The following LRRIQ1 variants were observed in gnomAD, a reference collection of about 807,000 sequenced individuals.
LRRIQ1 encodes leucine rich repeats and IQ motif containing 1, also known as leucine-rich repeat- and IQ domain-containing protein 1.
A neutral mutation model predicts 211.9 loss-of-function variants in LRRIQ1; 210 were observed. The ratio of observed to expected loss-of-function variants is 0.99; its 90% CI spans 0.89 to 1.11. The LOEUF is 1.11. Among genes scored for constraint, LRRIQ1 ranks in the 50% most tolerant of loss-of-function variants. LRRIQ1 has a pLI of 0.00. For missense variants in LRRIQ1, 2,136 were observed against 1,939.5 expected, an observed-to-expected ratio of 1.10 and a Z score of -1.90; for synonymous variants, 699 against 650.1, an observed-to-expected ratio of 1.08 and a Z score of -1.14.
chr12:85,142,285 C>T (rs567422301), intron 19 of LRRIQ1, among the ~76,000 whole-genome samples: 46 of 151,388 alleles, frequency 3.0e-4, no homozygotes, highest in African/African-American at 1.1e-3. Context: ...TATTGCCCTG[C>T]TTGGAGTTGG....
At chr12:85,161,396 CT>C (rs1456240264) in intron 24 of LRRIQ1, among the ~76,000 whole-genome samples, 5 of 149,546 alleles carry the variant, frequency 3.3e-5, no homozygotes, top group South Asian at 2.1e-4. Context: ...AATTGTACTA[CT>C]TTTTTAGTAT....
chr12:85,078,662 C>T (rs1385054079), intron 11 of LRRIQ1, among the ~76,000 whole-genome samples: 2 of 151,926 alleles, frequency 1.3e-5, no homozygotes, highest in Non-Finnish European at 2.9e-5. Flanking sequence ...CATTTTAAAA[C>T]GTCTCTTTTC....
chr12:85,095,299 G>A (rs374929245), intron 11 of LRRIQ1, among the ~76,000 whole-genome samples: 2 of 152,230 alleles, frequency 1.3e-5, no homozygotes, highest in South Asian at 4.1e-4. Flanking sequence ...TAAGTGCCTA[G>A]TTTGTTGAGA....
intron 19 of LRRIQ1, among the ~76,000 whole-genome samples, chr12:85,141,201 A>T (rs868139072): frequency 6.6e-6 from 1 of 151,342 alleles, no homozygotes; most frequent in Non-Finnish European, 1.5e-5. Context: ...GAAATGTTTC[A>T]TGTGAACATA....
At chr12:85,037,210 T>C (rs1338802111) in intron 1 of LRRIQ1, among the ~76,000 whole-genome samples, 4 of 152,144 alleles carry the variant, frequency 2.6e-5, no homozygotes, top group African/African-American at 9.7e-5. Context: ...AATAGAAAAT[T>C]TAAACTTGCG....
At chr12:85,257,136 T>TAATTACATAATATATAATATATAA (rs1896134549) in intron 1 of LRRIQ1, among the ~76,000 whole-genome samples, 3 of 12,084 alleles carry the variant, frequency 2.5e-4, no homozygotes, top group African/African-American at 1.1e-3. Context: ...ATAATATATA[T>TAATTACATAATATATAATATATAA]TATATATTTA....
intron 1 of LRRIQ1, among the ~76,000 whole-genome samples, chr12:85,256,578 A>T (rs1041640047): frequency 6.6e-6 from 1 of 151,652 alleles, no homozygotes; most frequent in African/African-American, 2.4e-5. Flanking sequence ...GAAAGTTTCC[A>T]TGAAAAATTT....
intron 8 of LRRIQ1, among the ~76,000 whole-genome samples, chr12:85,061,081 A>G (rs1881739602): frequency 6.6e-6 from 1 of 151,902 alleles, no homozygotes; most frequent in Admixed American, 6.6e-5. Context: ...AAAAGGAAGT[A>G]AAGTATGAGA....
At chr12:85,068,255 T>C (rs1882658763) in intron 10 of LRRIQ1, among the ~76,000 whole-genome samples, 2 of 151,888 alleles carry the variant, frequency 1.3e-5, no homozygotes, top group African/African-American at 2.4e-5. Context: ...CCTATAATCA[T>C]TGGAAAGTTT....
chr12:85,107,269 G>A (rs1452370188), intron 15 of LRRIQ1, among the ~76,000 whole-genome samples: 2 of 151,688 alleles, frequency 1.3e-5, no homozygotes, highest in African/African-American at 4.8e-5. Context: ...TATCATTTTT[G>A]TTTATGAATA....
At chr12:85,067,523 C>T (rs971125986) in intron 10 of LRRIQ1, among the ~76,000 whole-genome samples, 29 of 151,502 alleles carry the variant, frequency 1.9e-4, no homozygotes, top group African/African-American at 6.8e-4. Flanking sequence ...TTTTTGTGGA[C>T]CCAACTTTTA....
Position 85,260,740 on chromosome 12 carries a change from C to T in LRRIQ1, c.122-2175C>T, listed in dbSNP as rs141948289. Among the ~76,000 whole-genome samples the T allele has an allele frequency of 2.5e-3, 380 of 152,158 alleles. 3 individuals are homozygous for T. The highest frequency in any genetic ancestry group is 4.2e-3 in the Non-Finnish European group (284 of 67,996). On this transcript the variant is annotated intron_variant, in intron 1 of 1. Transcript: ENST00000602731. ...ACTGCTGAGGCAAGATGAGGGTTTACTATTACTTTTATTGTTTTTTAAAAT... is the reference window on the plus strand; with the variant it reads ...ACTGCTGAGGCAAGATGAGGGTTTATTATTACTTTTATTGTTTTTTAAAAT...
At chr12:85,048,127 A>G (rs997593195) in intron 6 of LRRIQ1, 8 of 152,400 alleles carry the variant, frequency 5.2e-5, no homozygotes, top group African/African-American at 1.4e-4. Context: ...TGACTTCTCT[A>G]TCTTTCATGA....
At chr12:85,201,608 G>A (rs1306430178) in intron 24 of LRRIQ1, among the ~76,000 whole-genome samples, 1 of 151,972 alleles carries the variant, frequency 6.6e-6, no homozygotes, top group Admixed American at 6.5e-5. Flanking sequence ...AAGGTTTTTT[G>A]TATTTCTCTA....
chr12:85,246,889 T>C (rs1310020553), downstream of LRRIQ1, among the ~76,000 whole-genome samples: 1 of 151,224 alleles, frequency 6.6e-6, no homozygotes, highest in African/African-American at 2.4e-5. Context: ...TAATAAGGAG[T>C]GTGGTCTCTG....
At chr12:85,196,468 C>T (rs1014223997) in intron 24 of LRRIQ1, among the ~76,000 whole-genome samples, 3 of 150,618 alleles carry the variant, frequency 2.0e-5, no homozygotes, top group African/African-American at 7.3e-5. Flanking sequence ...GGTACTGGTA[C>T]CAAAACAGAG....
chr12:85,231,221 G>A (rs1484024039), intron 25 of LRRIQ1, among the ~76,000 whole-genome samples: 2 of 151,898 alleles, frequency 1.3e-5, no homozygotes, highest in Non-Finnish European at 2.9e-5. Context: ...AACAAATCTC[G>A]TTTAATAATA....
At chr12:85,227,310 A>T (rs1449819075) in intron 24 of LRRIQ1, among the ~76,000 whole-genome samples, 1 of 152,006 alleles carries the variant, frequency 6.6e-6, no homozygotes, top group Admixed American at 6.6e-5. Flanking sequence ...GTTTTAGGGT[A>T]CATGTGCACA....
chr12:85,266,919 A>G (rs1896432542), downstream of LRRIQ1, among the ~76,000 whole-genome samples: 1 of 152,156 alleles, frequency 6.6e-6, no homozygotes, highest in Non-Finnish European at 1.5e-5. Flanking sequence ...ATTTGCCATT[A>G]GTGATGAATA....
Sources: gnomAD v4.1 joint callset for allele counts (sites outside exome capture counted in the v4.1 genomes callset) on GRCh38, gnomAD v4.1.1 for gene constraint, MANE v1.5 for transcripts, NCBI Gene and HGNC (gene_info 2026-07-23, HGNC 2026-07-21) for gene names.